PRKCH: variants seen among roughly 807,000 people sequenced by gnomAD.
PRKCH encodes the protein protein kinase C eta.
PRKCH carries 28 observed loss-of-function variants against 82.5 expected under a neutral mutation model. That is an observed-to-expected ratio of 0.34 (90% confidence interval 0.25 to 0.47). PRKCH has a LOEUF of 0.47. Ranked by LOEUF, PRKCH falls within the 20% of genes least tolerant of loss-of-function variation. PRKCH has a pLI of 1.00. For missense variants in PRKCH, 705 were observed against 881.8 expected (o/e 0.80, Z 2.54); for synonymous variants, 322 against 327.4 (o/e 0.98, Z 0.18).
At chr14:61,529,911 A>ATATAT (rs1555396325) in intron 11 of PRKCH, among the ~76,000 whole-genome samples, 5 of 109,682 alleles carry the variant, frequency 4.6e-5, no homozygotes, top group African/African-American at 2.0e-4. Context: ...ATAATAAAAA[A>ATATAT]AAATATATAT....
At position 61,340,582 on chromosome 14, in the gene PRKCH, C is replaced by T. The variant is rs74429073; in HGVS notation, c.363+18118C>T. On this transcript the variant is annotated intron_variant, in intron 1 of 13. Coordinates refer to ENST00000332981, the MANE Select transcript of PRKCH (RefSeq NM_006255.5). Reference sequence around the variant, plus strand: ...GCTTAGGACAAACCACTTTATACTCCGTCTCCTTTAATCCTCACAGTAGAC... The same window carrying T: ...GCTTAGGACAAACCACTTTATACTCTGTCTCCTTTAATCCTCACAGTAGAC... 1.6e-3 allele frequency among the ~76,000 whole-genome samples: 244 copies of T among 152,304 alleles called. 1 individual carries two copies. Among genetic ancestry groups the T allele is most frequent in the African/African-American group, 5.5e-3 (227 of 41,558 alleles).
chr14:61,297,452 T>C (rs1263265756), intron 1 of PRKCH, among the ~76,000 whole-genome samples: 1 of 152,198 alleles, frequency 6.6e-6, no homozygotes, highest in African/African-American at 2.4e-5. Flanking sequence ...ATTATGCTGC[T>C]GATTTTCTAA....
intron 1 of PRKCH, among the ~76,000 whole-genome samples, chr14:61,211,872 A>G (rs1594854724): frequency 1.3e-5 from 2 of 152,202 alleles, no homozygotes; most frequent in East Asian, 3.8e-4. Flanking sequence ...GGAAAAAATG[A>G]CAAAAAATAA....
chr14:61,425,033 G>T (rs1209581560), intron 2 of PRKCH, among the ~76,000 whole-genome samples: 1 of 152,246 alleles, frequency 6.6e-6, no homozygotes, highest in Non-Finnish European at 1.5e-5. Context: ...AGGTTTGGGA[G>T]CCTCAGCTGA....
At chr14:61,475,531 G>A (rs1885693203) in intron 9 of PRKCH, among the ~76,000 whole-genome samples, 1 of 152,068 alleles carries the variant, frequency 6.6e-6, no homozygotes, top group African/African-American at 2.4e-5. Flanking sequence ...GCTTTACCAG[G>A]CTAAAAAAAT....
intron 2 of PRKCH, among the ~76,000 whole-genome samples, chr14:61,402,354 T>C (rs78432447): frequency 0.017 from 2,535 of 152,214 alleles, 58 homozygotes; most frequent in African/African-American, 0.058. Context: ...TTGTTTACTT[T>C]TGTGTGGTAT....
intron 1 of PRKCH, among the ~76,000 whole-genome samples, chr14:61,211,644 C>G (rs932589728): frequency 6.6e-6 from 1 of 152,182 alleles, no homozygotes; most frequent in Admixed American, 6.5e-5. Context: ...CCAAACACAG[C>G]TGTGCAGCCA....
chr14:61,346,786 C>T (rs893432624), intron 1 of PRKCH, among the ~76,000 whole-genome samples: 4 of 152,188 alleles, frequency 2.6e-5, no homozygotes, highest in South Asian at 4.1e-4. Context: ...CTGTGTTTTG[C>T]GAGCCCATTC....
intron 2 of PRKCH, among the ~76,000 whole-genome samples, chr14:61,439,447 ATGTT>A (rs1224812674): frequency 6.6e-6 from 1 of 152,170 alleles, no homozygotes; most frequent in Non-Finnish European, 1.5e-5. Flanking sequence ...ATGAGTGTGT[ATGTT>A]TGTTTTCTAA....
At chr14:61,495,189 A>G (rs3783766) in intron 10 of PRKCH, among the ~76,000 whole-genome samples, 2 of 152,160 alleles carry the variant, frequency 1.3e-5, no homozygotes, top group Non-Finnish European at 2.9e-5. Context: ...GCAGTTTCTC[A>G]AAGGACCTAA....
intron 10 of PRKCH, among the ~76,000 whole-genome samples, chr14:61,520,751 G>A (rs911676861): frequency 1.3e-5 from 2 of 152,182 alleles, no homozygotes; most frequent in Admixed American, 6.5e-5. Flanking sequence ...GCCTGAACAA[G>A]GAAGCCAAAA....
intron 2 of PRKCH, among the ~76,000 whole-genome samples, chr14:61,428,042 T>TAGATAGATAGATAGATAGATAG (rs1555386067): frequency 3.3e-5 from 4 of 121,894 alleles, no homozygotes; most frequent in South Asian, 2.9e-4. Flanking sequence ...AATATATATA[T>TAGATAGATAGATAGATAGATAG]ATAGATAGAT....
At chr14:61,308,239 CAT>C (rs1482267629) in intron 1 of PRKCH, among the ~76,000 whole-genome samples, 1 of 152,178 alleles carries the variant, frequency 6.6e-6, no homozygotes, top group Non-Finnish European at 1.5e-5. Context: ...AACTAAGAAA[CAT>C]AGCTTGTGCA....
intron 1 of PRKCH, among the ~76,000 whole-genome samples, chr14:61,283,762 T>C (rs2045291397): frequency 6.6e-6 from 1 of 151,972 alleles, no homozygotes; most frequent in South Asian, 2.1e-4. Flanking sequence ...GGTGGGAGGA[T>C]AGCTTTAACC....
At chr14:61,505,533 G>T (rs926713053) in intron 10 of PRKCH, among the ~76,000 whole-genome samples, 1 of 146,670 alleles carries the variant, frequency 6.8e-6, no homozygotes, top group Non-Finnish European at 1.5e-5. Flanking sequence ...GTGCCACCAC[G>T]CCTGGCCAAT....
chr14:61,308,998 T>C (rs374965613), intron 1 of PRKCH, among the ~76,000 whole-genome samples: 2 of 150,470 alleles, frequency 1.3e-5, no homozygotes, highest in Admixed American at 6.6e-5. Flanking sequence ...AAATTCTACC[T>C]CTGAGCGGGG....
intron 1 of PRKCH, among the ~76,000 whole-genome samples, chr14:61,257,066 T>G (rs921577686): frequency 2.0e-5 from 3 of 152,234 alleles, no homozygotes; most frequent in Non-Finnish European, 4.4e-5. Context: ...GTTGTGTGCC[T>G]TTCTCCTTTC....
intron 6 of PRKCH, among the ~76,000 whole-genome samples, chr14:61,451,483 G>C (rs1011466354): frequency 3.9e-5 from 6 of 152,190 alleles, no homozygotes; most frequent in African/African-American, 1.2e-4. Flanking sequence ...AGCATAAAAA[G>C]AGCTGCCCTG....
intron 8 of PRKCH, 79 bp downstream of exon 8, chr14:61,457,398 C>G: frequency 6.3e-7 from 1 of 1,584,032 alleles, no homozygotes; most frequent in Non-Finnish European, 8.6e-7. Flanking sequence ...TGCACGCATG[C>G]GCACATACTC....
Sources: allele counts gnomAD v4.1 joint callset (sites outside exome capture counted in the v4.1 genomes callset), GRCh38; gene constraint gnomAD v4.1.1; transcripts MANE v1.5; gene names NCBI Gene and HGNC (gene_info 2026-07-23, HGNC 2026-07-21).